WWOX: variants seen among roughly 807,000 people sequenced by gnomAD.
The protein encoded by WWOX is WW domain-containing oxidoreductase.
WWOX carries 69 observed loss-of-function variants against 46.2 expected under a neutral mutation model. The ratio of observed to expected loss-of-function variants is 1.49; its 90% CI spans 1.23 to 1.82. The LOEUF (loss-of-function observed/expected upper bound fraction) is 1.82, where lower values mean the gene tolerates loss of function less well. Among genes scored for constraint, WWOX ranks in the 40% most tolerant of loss-of-function variants. The probability of loss-of-function intolerance (pLI) is 0.00; values close to 1 mark genes in which losing one functional copy is unlikely to be tolerated. For missense variants in WWOX, 919 were observed against 542.6 expected (o/e 1.69, Z -6.89); for synonymous variants, 359 against 202.6 (o/e 1.77, Z -6.56).
At chr16:78,578,740 A>G (rs1193029441) in intron 8 of WWOX, among the ~76,000 whole-genome samples, 1 of 152,200 alleles carries the variant, frequency 6.6e-6, no homozygotes, top group Non-Finnish European at 1.5e-5. Flanking sequence ...TCAACATAAC[A>G]AGTAAATGGA....
At chr16:79,133,073 G>A (rs1424023982) in intron 8 of WWOX, among the ~76,000 whole-genome samples, 1 of 152,218 alleles carries the variant, frequency 6.6e-6, no homozygotes, top group Non-Finnish European at 1.5e-5. Context: ...ATACATGCAA[G>A]TGACCTTTCT....
At chr16:78,640,899 A>G (rs1414915907) in intron 8 of WWOX, among the ~76,000 whole-genome samples, 1 of 149,598 alleles carries the variant, frequency 6.7e-6, no homozygotes, top group Non-Finnish European at 1.5e-5. Flanking sequence ...AGATCATGCC[A>G]CTGCACTCCA....
intron 8 of WWOX, among the ~76,000 whole-genome samples, chr16:78,805,466 G>A (rs1157861294): frequency 3.3e-5 from 5 of 149,908 alleles, no homozygotes; most frequent in Admixed American, 6.7e-5. Context: ...CATATTTTTC[G>A]TAGAGTCAGG....
chr16:78,130,907 C>T (rs1214235813), intron 4 of WWOX, among the ~76,000 whole-genome samples: 2 of 152,136 alleles, frequency 1.3e-5, no homozygotes, highest in East Asian at 1.9e-4. Flanking sequence ...CATCGTTGTG[C>T]AACCCTCATA....
At chr16:78,948,203 T>A (rs956466589) in intron 8 of WWOX, among the ~76,000 whole-genome samples, 1 of 152,168 alleles carries the variant, frequency 6.6e-6, no homozygotes, top group African/African-American at 2.4e-5. Flanking sequence ...AAATGCAGAC[T>A]TGCTCAAGAC....
intron 8 of WWOX, among the ~76,000 whole-genome samples, chr16:78,632,539 C>T (rs2046458958): frequency 7.0e-6 from 1 of 143,260 alleles, no homozygotes; most frequent in Admixed American, 7.0e-5. Context: ...ACACTCTCTT[C>T]CCCCACTTAC....
chr16:78,622,540 C>G (rs1163667668), intron 8 of WWOX, among the ~76,000 whole-genome samples: 3 of 77,792 alleles, frequency 3.9e-5, no homozygotes, highest in Non-Finnish European at 6.2e-5. Flanking sequence ...GAAACTCCAT[C>G]TTAAAAAAAA....
chr16:78,867,175 C>G (rs1331244745), intron 8 of WWOX, among the ~76,000 whole-genome samples: 2 of 152,064 alleles, frequency 1.3e-5, no homozygotes, highest in Non-Finnish European at 2.9e-5. Context: ...ATGAGACAGA[C>G]AAAACTGCAA....
At chr16:78,655,781 G>C (rs1392012858) in intron 8 of WWOX, among the ~76,000 whole-genome samples, 1 of 152,152 alleles carries the variant, frequency 6.6e-6, no homozygotes, top group Non-Finnish European at 1.5e-5. Context: ...CCAAATGAAA[G>C]TAAACAAATC....
chr16:78,883,456 G>T (rs188278933), intron 8 of WWOX, among the ~76,000 whole-genome samples: 7 of 152,324 alleles, frequency 4.6e-5, no homozygotes, highest in Admixed American at 1.3e-4. Flanking sequence ...GGGCATGGTG[G>T]CTTATGCCCG....
chr16:78,434,737 T>C (rs2083298606), intron 8 of WWOX, among the ~76,000 whole-genome samples: 1 of 152,124 alleles, frequency 6.6e-6, no homozygotes, highest in African/African-American at 2.4e-5. Context: ...GGGAAAGCTT[T>C]AGAGATGAGT....
rs183299897 is a variant in WWOX, at chr16:78,588,235, C to T, written c.1056+155483C>T. On this transcript the variant is annotated intron_variant, in intron 8 of 8. Coordinates refer to ENST00000566780, the MANE Select transcript of WWOX (RefSeq NM_016373.4). ...GAAATACTCTGTAGATGACAATAGC[C>T]TCAAACTTGAACAGGTTCTTGCAGT... Among the ~76,000 whole-genome samples the T allele has an allele frequency of 2.2e-3, 330 of 152,322 alleles. 1 individual carries two copies. Among genetic ancestry groups the T allele is most frequent in the Non-Finnish European group, 3.7e-3 (251 of 68,036 alleles).
At chr16:78,169,445 C>T (rs997621463) in intron 5 of WWOX, among the ~76,000 whole-genome samples, 1 of 140,848 alleles carries the variant, frequency 7.1e-6, no homozygotes. Flanking sequence ...GCATATCCCA[C>T]TCCCTGTCTT....
chr16:78,845,939 TTTTCCCATAAAA>T (rs141818248), intron 8 of WWOX, among the ~76,000 whole-genome samples: 6,160 of 152,194 alleles, frequency 0.04, 393 homozygotes, highest in African/African-American at 0.14. Context: ...TGCCACCAGT[TTTTCCCATAAAA>T]TAATTCATTT....
At chr16:78,165,498 T>G (rs2034940591) in intron 5 of WWOX, among the ~76,000 whole-genome samples, 1 of 152,054 alleles carries the variant, frequency 6.6e-6, no homozygotes, top group Admixed American at 6.6e-5. Flanking sequence ...GTGATTGAAC[T>G]AAGATCTGAA....
At chr16:78,439,929 T>C (rs2083409317) in intron 8 of WWOX, among the ~76,000 whole-genome samples, 1 of 152,174 alleles carries the variant, frequency 6.6e-6, no homozygotes, top group Admixed American at 6.5e-5. Flanking sequence ...TTGCATGCCT[T>C]TTTCCTTTAT....
At chr16:78,647,799 A>C (rs567437170) in intron 8 of WWOX, among the ~76,000 whole-genome samples, 4 of 152,330 alleles carry the variant, frequency 2.6e-5, no homozygotes, top group Middle Eastern at 3.4e-3. Context: ...AGAAGCCACA[A>C]ACGTGTTAGC....
intron 8 of WWOX, among the ~76,000 whole-genome samples, chr16:78,977,269 G>A (rs1432741634): frequency 6.6e-6 from 1 of 152,224 alleles, no homozygotes; most frequent in African/African-American, 2.4e-5. Context: ...GTTTGTCAGA[G>A]AGGTTCGAGC....
At chr16:78,930,795 A>G (rs999756241) in intron 8 of WWOX, among the ~76,000 whole-genome samples, 4 of 152,140 alleles carry the variant, frequency 2.6e-5, no homozygotes, top group African/African-American at 7.2e-5. Flanking sequence ...CTTCCATCAC[A>G]CATATTTGCT....
Sources: gnomAD v4.1 joint callset for allele counts (sites outside exome capture counted in the v4.1 genomes callset) on GRCh38, gnomAD v4.1.1 for gene constraint, MANE v1.5 for transcripts, NCBI Gene and HGNC (gene_info 2026-07-23, HGNC 2026-07-21) for gene names.